GRM7: variants seen among roughly 807,000 people sequenced by gnomAD.
GRM7 encodes the protein glutamate metabotropic receptor 7, also known as metabotropic glutamate receptor 7.
In GRM7, 35 loss-of-function variants were observed where a neutral mutation model predicts 84.5. The ratio of observed to expected loss-of-function variants is 0.41; its 90% CI spans 0.32 to 0.55. The LOEUF is 0.55. Among genes scored for constraint, GRM7 ranks in the 20% least tolerant of loss-of-function variants. The probability of loss-of-function intolerance (pLI) is 0.19; values close to 1 mark genes in which losing one functional copy is unlikely to be tolerated. For synonymous variants in GRM7, 487 were observed against 455.1 expected, an observed-to-expected ratio of 1.07 and a Z score of -0.89; for missense variants, 1,003 against 1,194.6, an observed-to-expected ratio of 0.84 and a Z score of 2.36.
intron 7 of GRM7, among the ~76,000 whole-genome samples, chr3:7,571,930 C>A (rs1425764156): frequency 2.6e-5 from 4 of 152,172 alleles, no homozygotes; most frequent in Admixed American, 6.5e-5. Context: ...TGGCAGCAGG[C>A]AAAGAGAGAG....
intron 2 of GRM7, among the ~76,000 whole-genome samples, chr3:7,198,682 T>C (rs907918734): frequency 3.3e-5 from 5 of 152,210 alleles, no homozygotes; most frequent in Non-Finnish European, 5.9e-5. Context: ...AGGTGTTGAA[T>C]AGCTTATAAT....
At chr3:7,123,693 C>T (rs1001334979) in intron 1 of GRM7, among the ~76,000 whole-genome samples, 52 of 152,256 alleles carry the variant, frequency 3.4e-4, no homozygotes, top group African/African-American at 1.2e-3. Context: ...TCACTCACTC[C>T]CTGCTTACTC....
intron 1 of GRM7, among the ~76,000 whole-genome samples, chr3:6,876,167 C>A (rs1466188535): frequency 6.6e-6 from 1 of 151,908 alleles, no homozygotes; most frequent in East Asian, 1.9e-4. Context: ...ACTCGGGAGG[C>A]TGAGGCACAA....
intron 1 of GRM7, among the ~76,000 whole-genome samples, chr3:6,913,293 A>G (rs1464694316): frequency 2.0e-5 from 3 of 152,174 alleles, no homozygotes; most frequent in African/African-American, 7.2e-5. Context: ...AATCTGCAAA[A>G]TTTAGGATTT....
chr3:7,190,147 G>A (rs866902879), intron 2 of GRM7, among the ~76,000 whole-genome samples: 1 of 152,102 alleles, frequency 6.6e-6, no homozygotes, highest in Non-Finnish European at 1.5e-5. Context: ...GTGATTATGC[G>A]CTAGTCAAGT....
intron 1 of GRM7, among the ~76,000 whole-genome samples, chr3:6,887,066 A>T (rs1695723558): frequency 6.6e-6 from 1 of 151,860 alleles, no homozygotes; most frequent in African/African-American, 2.4e-5. Context: ...AAATTCCTTT[A>T]TATATTTGGG....
At chr3:7,352,860 A>G (rs1056145601) in intron 4 of GRM7, among the ~76,000 whole-genome samples, 3 of 152,076 alleles carry the variant, frequency 2.0e-5, no homozygotes, top group African/African-American at 7.2e-5. Context: ...GGGTCCTCCA[A>G]CATGTCCCTG....
chr3:7,620,641 G>C (rs141590585), intron 8 of GRM7, among the ~76,000 whole-genome samples: 4 of 152,118 alleles, frequency 2.6e-5, no homozygotes, highest in Admixed American at 1.3e-4. Context: ...ATATGTGTGG[G>C]TTTATTTCCA....
chr3:6,958,752 T>A (rs1016533673), intron 1 of GRM7, among the ~76,000 whole-genome samples: 8 of 152,206 alleles, frequency 5.3e-5, no homozygotes, highest in Admixed American at 3.9e-4. Flanking sequence ...CTTTGGATTA[T>A]AAGAGAGTCC....
In GRM7 at chr3:7,099,994, A is replaced by G. The variant is rs563401271; in HGVS notation, c.520-46458A>G. On this transcript the variant is annotated intron_variant, in intron 1 of 9. Transcript: ENST00000357716. ...CATATATAATTGCATATGTACATAT[A>G]TAATTGCACATGTACATATATGTAA... Among the ~76,000 whole-genome samples, 13 of 148,258 alleles carry G rather than the reference A, an allele frequency of 8.8e-5. No individual in the cohort carries two copies. In the South Asian group the frequency reaches 2.3e-3, roughly 26 times the overall value.
chr3:7,555,527 T>A (rs1559399999), intron 7 of GRM7, among the ~76,000 whole-genome samples: 2 of 152,198 alleles, frequency 1.3e-5, no homozygotes. Context: ...AAATGATGTG[T>A]TCAACTACAA....
At chr3:7,575,954 C>T (rs1694943201) in intron 7 of GRM7, among the ~76,000 whole-genome samples, 2 of 152,152 alleles carry the variant, frequency 1.3e-5, no homozygotes, top group African/African-American at 4.8e-5. Flanking sequence ...TAAAGTATTA[C>T]ATATGATGAT....
At chr3:7,297,552 A>G (rs1466285979) in intron 2 of GRM7, among the ~76,000 whole-genome samples, 3 of 152,188 alleles carry the variant, frequency 2.0e-5, no homozygotes, top group Non-Finnish European at 4.4e-5. Context: ...ATGCATGCTG[A>G]AAGTTGAGAG....
chr3:7,694,453 A>G, intron 9 of GRM7: 1 of 858,846 alleles, frequency 1.2e-6, no homozygotes, highest in Non-Finnish European at 1.4e-6. Flanking sequence ...AAGTTTAAGA[A>G]TGTCAAGCAA....
At chr3:7,313,265 G>T (rs999066499) in intron 4 of GRM7, among the ~76,000 whole-genome samples, 1 of 151,986 alleles carries the variant, frequency 6.6e-6, no homozygotes. Context: ...GTGAGGACAG[G>T]ATACTTGGAG....
intron 9 of GRM7, among the ~76,000 whole-genome samples, chr3:7,687,186 A>C (rs1424403672): frequency 6.6e-6 from 1 of 152,196 alleles, no homozygotes; most frequent in Admixed American, 6.5e-5. Flanking sequence ...TACCCAAGAA[A>C]TACCAATAAA....
At chr3:6,905,801 C>G (rs146074523) in intron 1 of GRM7, among the ~76,000 whole-genome samples, 130 of 152,172 alleles carry the variant, frequency 8.5e-4, no homozygotes, top group African/African-American at 2.9e-3. Context: ...TAAAATGTTT[C>G]CTGCCCAAAA....
At chr3:7,077,170 C>A (rs985403999) in intron 1 of GRM7, among the ~76,000 whole-genome samples, 1 of 152,214 alleles carries the variant, frequency 6.6e-6, no homozygotes, top group South Asian at 2.1e-4. Flanking sequence ...TGTGGCAATT[C>A]CTGAAAGATC....
intron 1 of GRM7, among the ~76,000 whole-genome samples, chr3:7,017,841 T>C (rs1436138053): frequency 7.9e-5 from 12 of 152,226 alleles, no homozygotes. Context: ...GATTTCTCAG[T>C]TAATGTTAAC....
Sources: gnomAD v4.1 joint callset for allele counts (sites outside exome capture counted in the v4.1 genomes callset) on GRCh38, gnomAD v4.1.1 for gene constraint, MANE v1.5 for transcripts, NCBI Gene and HGNC (gene_info 2026-07-23, HGNC 2026-07-21) for gene names.